Variants in PTPRD observed in about 807,000 individuals in gnomAD.
PTPRD encodes receptor-type tyrosine-protein phosphatase delta.
A neutral mutation model predicts 214.5 loss-of-function variants in PTPRD; 34 were observed. The ratio of observed to expected loss-of-function variants is 0.16; its 90% confidence interval spans 0.12 to 0.21. The LOEUF is 0.21. PTPRD is among the 10% of genes least tolerant of loss of function. The pLI is 1.00. For synonymous variants in PTPRD, 1,128 were observed against 845.7 expected, an observed-to-expected ratio of 1.33 and a Z score of -5.79; for missense variants, 2,545 against 2,398.7, an observed-to-expected ratio of 1.06 and a Z score of -1.27.
chr9:8,650,058 TG>T (rs1354064389), intron 12 of PTPRD, among the ~76,000 whole-genome samples: 1 of 152,036 alleles, frequency 6.6e-6, no homozygotes, highest in Non-Finnish European at 1.5e-5. Context: ...GCGAGGACTA[TG>T]GGCACATGCC....
chr9:9,403,711 T>C (rs1409969184), intron 8 of PTPRD, among the ~76,000 whole-genome samples: 7 of 152,110 alleles, frequency 4.6e-5, no homozygotes, highest in Non-Finnish European at 1.0e-4. Context: ...TAAATGTTTG[T>C]TTATAAAACG....
chr9:8,569,155 CTT>C (rs1369959200), intron 14 of PTPRD, among the ~76,000 whole-genome samples: 1 of 152,092 alleles, frequency 6.6e-6, no homozygotes, highest in Non-Finnish European at 1.5e-5. Flanking sequence ...GTGAAACTCT[CTT>C]TAGATACCCT....
At chr9:10,305,299 A>G (rs955453945) in intron 3 of PTPRD, among the ~76,000 whole-genome samples, 1 of 152,036 alleles carries the variant, frequency 6.6e-6, no homozygotes, top group African/African-American at 2.4e-5. Context: ...AAAACCATAA[A>G]AACCCTAGAA....
At chr9:9,831,964 G>T (rs997322665) in intron 5 of PTPRD, among the ~76,000 whole-genome samples, 2 of 151,994 alleles carry the variant, frequency 1.3e-5, no homozygotes, top group Non-Finnish European at 2.9e-5. Flanking sequence ...GCATTTCAAT[G>T]TCAGACATTA....
At chr9:9,269,973 T>C (rs770435662) in intron 9 of PTPRD, among the ~76,000 whole-genome samples, 2 of 150,302 alleles carry the variant, frequency 1.3e-5, no homozygotes, top group Non-Finnish European at 3.0e-5. Flanking sequence ...TTTAATATAA[T>C]ATTAATTAAT....
intron 7 of PTPRD, among the ~76,000 whole-genome samples, chr9:9,613,203 T>C (rs2094634003): frequency 7.9e-6 from 1 of 126,136 alleles, no homozygotes; most frequent in Non-Finnish European, 1.7e-5. Context: ...TGTGGAATAA[T>C]TTTGAAAACT....
chr9:9,168,810 A>C (rs923373200), intron 10 of PTPRD, among the ~76,000 whole-genome samples: 1 of 152,094 alleles, frequency 6.6e-6, no homozygotes, highest in African/African-American at 2.4e-5. Flanking sequence ...TGTTACGGGT[A>C]CATTTGAATA....
intron 3 of PTPRD, among the ~76,000 whole-genome samples, chr9:10,316,699 T>C (rs539697452): frequency 1.6e-4 from 24 of 152,058 alleles, no homozygotes; most frequent in African/African-American, 5.3e-4. Flanking sequence ...CATACATTTT[T>C]CCACATATAG....
In PTPRD at chr9:8,688,145, T is replaced by C. The variant is rs112887934; in HGVS notation, c.64+45635A>G. Among the ~76,000 whole-genome samples, 901 of 152,358 alleles carry C rather than the reference T, an allele frequency of 5.9e-3. 10 individuals carry two copies. The highest frequency in any genetic ancestry group is 0.021 in the African/African-American group (863 of 41,578). On this transcript the variant is annotated intron_variant, in intron 12 of 45. Coordinates refer to ENST00000381196, the MANE Select transcript of PTPRD (RefSeq NM_002839.4). ...TAATTTACAATGCTGAATAAATGTATCGTTTTCATAAGGGACAGATGTATT... is the reference window on the plus strand; with the variant it reads ...TAATTTACAATGCTGAATAAATGTACCGTTTTCATAAGGGACAGATGTATT...
chr9:10,279,202 A>G (rs956617108), intron 3 of PTPRD, among the ~76,000 whole-genome samples: 2 of 151,348 alleles, frequency 1.3e-5, no homozygotes, highest in Non-Finnish European at 2.9e-5. Context: ...CATATTAACA[A>G]GTGTAGTTCA....
intron 3 of PTPRD, among the ~76,000 whole-genome samples, chr9:10,107,984 C>T (rs1202559280): frequency 6.6e-6 from 1 of 152,000 alleles, no homozygotes; most frequent in Non-Finnish European, 1.5e-5. Context: ...TGATTCTCTG[C>T]ACTTGGAGGC....
Position 10,165,049 on chromosome 9 carries a change from A to T in PTPRD, c.-544-131259T>A, listed in dbSNP as rs550007121. The stretch of plus-strand genomic sequence containing the variant: ...GGCCTGAATCACATGTTTAATTAGA[A>T]GATGTAGGAAATACCTCAGAACTAA... On this transcript the variant is annotated intron_variant, in intron 3 of 45. Transcript: ENST00000381196. 2.0e-5 allele frequency among the ~76,000 whole-genome samples: 3 copies of T among 151,802 alleles called. No homozygotes were observed. In the East Asian group the frequency reaches 5.8e-4, roughly 29 times the overall value.
intron 3 of PTPRD, among the ~76,000 whole-genome samples, chr9:10,286,211 T>C (rs1002969123): frequency 4.6e-5 from 7 of 152,180 alleles, no homozygotes; most frequent in Non-Finnish European, 8.8e-5. Flanking sequence ...ACAAAAATAA[T>C]AGCAATATTG....
intron 3 of PTPRD, among the ~76,000 whole-genome samples, chr9:10,311,790 A>G (rs1037745395): frequency 4.6e-5 from 7 of 152,066 alleles, no homozygotes; most frequent in African/African-American, 1.7e-4. Context: ...TAGGTTAGCC[A>G]TAATGTGCTT....
intron 4 of PTPRD, among the ~76,000 whole-genome samples, chr9:9,978,456 TA>T (rs1476064709): frequency 6.6e-6 from 1 of 151,806 alleles, no homozygotes; most frequent in East Asian, 1.9e-4. Context: ...TTCATCTAGC[TA>T]AGGAAAAAAA....
intron 11 of PTPRD, among the ~76,000 whole-genome samples, chr9:8,783,557 T>G (rs1041522528): frequency 6.6e-6 from 1 of 152,198 alleles, no homozygotes; most frequent in Non-Finnish European, 1.5e-5. Context: ...TTACATAACT[T>G]GTCAACGGTG....
At chr9:9,952,776 T>G (rs2093572509) in intron 4 of PTPRD, among the ~76,000 whole-genome samples, 1 of 152,146 alleles carries the variant, frequency 6.6e-6, no homozygotes, top group Non-Finnish European at 1.5e-5. Flanking sequence ...TGTAATACTG[T>G]CATGAACCTC....
intron 5 of PTPRD, among the ~76,000 whole-genome samples, chr9:9,842,520 A>C (rs893394693): frequency 6.6e-5 from 10 of 151,926 alleles, no homozygotes; most frequent in Non-Finnish European, 1.5e-4. Flanking sequence ...GGGAAGAAAA[A>C]AGAAATATTT....
At chr9:8,930,773 C>T (rs2098947124) in intron 11 of PTPRD, among the ~76,000 whole-genome samples, 1 of 152,146 alleles carries the variant, frequency 6.6e-6, no homozygotes, top group Non-Finnish European at 1.5e-5. Context: ...TGAGAAGTGT[C>T]TGTTCATATC....
Sources: allele counts gnomAD v4.1 joint callset (sites outside exome capture counted in the v4.1 genomes callset), GRCh38; gene constraint gnomAD v4.1.1; transcripts MANE v1.5; gene names NCBI Gene and HGNC (gene_info 2026-07-23, HGNC 2026-07-21).